DPP10: variants seen among roughly 807,000 people sequenced by gnomAD.
The protein encoded by DPP10 is inactive dipeptidyl peptidase 10.
In DPP10, 33 loss-of-function variants were observed where a neutral mutation model predicts 120.9. The observed-to-expected ratio is 0.27, with a 90% CI of 0.21 to 0.37. The LOEUF is 0.37. Ranked by LOEUF, DPP10 falls within the 10% of genes least tolerant of loss-of-function variation. The pLI is 1.00. For synonymous variants in DPP10, 337 were observed against 326.1 expected (o/e 1.03, Z -0.36); for missense variants, 816 against 942.8 (o/e 0.87, Z 1.76).
intron 1 of DPP10, among the ~76,000 whole-genome samples, chr2:114,834,546 A>T (rs1687479612): frequency 6.6e-6 from 1 of 151,018 alleles, no homozygotes; most frequent in South Asian, 2.1e-4. Context: ...ATGTATATAT[A>T]AGCCATATCT....
At chr2:114,730,936 C>T (rs146474793) in intron 1 of DPP10, among the ~76,000 whole-genome samples, 43 of 150,668 alleles carry the variant, frequency 2.9e-4, no homozygotes, top group African/African-American at 9.5e-4. Context: ...CTGTGAGCCA[C>T]GGAAGAGCCA....
At chr2:115,517,473 A>G (rs1334435107) in intron 4 of DPP10, among the ~76,000 whole-genome samples, 3 of 152,164 alleles carry the variant, frequency 2.0e-5, no homozygotes, top group Admixed American at 6.6e-5. Flanking sequence ...CAGGTAGTCC[A>G]TGATCATCTT....
intron 21 of DPP10, among the ~76,000 whole-genome samples, chr2:115,817,611 C>T (rs933504136): frequency 6.6e-6 from 1 of 152,070 alleles, no homozygotes; most frequent in African/African-American, 2.4e-5. Context: ...GTGAGCATTG[C>T]TCCTCCAACA....
At chr2:115,753,569 G>T (rs7587585) in intron 11 of DPP10, among the ~76,000 whole-genome samples, 1 of 151,914 alleles carries the variant, frequency 6.6e-6, no homozygotes, top group African/African-American at 2.4e-5. Context: ...TCCAAGCCAC[G>T]TTAGCTTCTT....
At chr2:115,105,303 T>C (rs1312042073) in intron 1 of DPP10, among the ~76,000 whole-genome samples, 1 of 152,164 alleles carries the variant, frequency 6.6e-6, no homozygotes, top group African/African-American at 2.4e-5. Flanking sequence ...AAGAGGCTTA[T>C]TTGGCTCATG....
At chr2:114,858,027 T>A (rs540963996) in intron 1 of DPP10, among the ~76,000 whole-genome samples, 2 of 152,184 alleles carry the variant, frequency 1.3e-5, no homozygotes, top group Non-Finnish European at 2.9e-5. Context: ...TTTTGCTCTG[T>A]CGCCCAGGCT....
intron 10 of DPP10, among the ~76,000 whole-genome samples, chr2:115,746,951 C>T (rs985060473): frequency 6.6e-5 from 10 of 152,106 alleles, no homozygotes; most frequent in African/African-American, 1.4e-4. Context: ...TATCGATAAT[C>T]AGGGTGATTG....
At chr2:115,005,187 G>A (rs1701729893) in intron 1 of DPP10, among the ~76,000 whole-genome samples, 2 of 151,960 alleles carry the variant, frequency 1.3e-5, no homozygotes, top group Admixed American at 1.3e-4. Flanking sequence ...CTAACAAACA[G>A]AAAGGACATC....
chr2:115,467,040 A>G (rs942503859), intron 3 of DPP10, among the ~76,000 whole-genome samples: 2 of 152,184 alleles, frequency 1.3e-5, no homozygotes, highest in African/African-American at 4.8e-5. Context: ...TGGAGGAAAG[A>G]ATGTAGCACT....
At chr2:115,068,515 G>A (rs986186354) in intron 1 of DPP10, among the ~76,000 whole-genome samples, 3 of 151,986 alleles carry the variant, frequency 2.0e-5, no homozygotes, top group African/African-American at 4.8e-5. Flanking sequence ...CTCCCATGTA[G>A]GTTGCCTCTT....
At chr2:115,837,725 G>A (rs981276093) in intron 24 of DPP10, among the ~76,000 whole-genome samples, 10 of 151,872 alleles carry the variant, frequency 6.6e-5, no homozygotes, top group Non-Finnish European at 1.3e-4. Context: ...CCATGGTTTA[G>A]TACTCCAAGC....
At chr2:115,216,456 G>A (rs2056825502) in intron 1 of DPP10, among the ~76,000 whole-genome samples, 1 of 152,138 alleles carries the variant, frequency 6.6e-6, no homozygotes, top group Non-Finnish European at 1.5e-5. Context: ...ACGTAAGTGT[G>A]TATGTATATA....
chr2:114,744,745 G>A (rs979173385), intron 1 of DPP10, among the ~76,000 whole-genome samples: 7 of 152,108 alleles, frequency 4.6e-5, no homozygotes, highest in African/African-American at 7.2e-5. Flanking sequence ...CTGTAACAGT[G>A]ACCATATGGC....
At chr2:114,830,603 A>G (rs1687015137) in intron 1 of DPP10, among the ~76,000 whole-genome samples, 1 of 152,232 alleles carries the variant, frequency 6.6e-6, no homozygotes, top group Non-Finnish European at 1.5e-5. Flanking sequence ...CAGTAGGTTC[A>G]TAAGAACTGT....
intron 1 of DPP10, among the ~76,000 whole-genome samples, chr2:114,977,205 TTA>T (rs1699808865): frequency 6.6e-6 from 1 of 152,206 alleles, no homozygotes; most frequent in Non-Finnish European, 1.5e-5. Flanking sequence ...CTCTGTTGTT[TTA>T]TATTTTGTGT....
intron 5 of DPP10, among the ~76,000 whole-genome samples, chr2:115,552,346 G>A (rs1429464967): frequency 6.6e-6 from 1 of 152,112 alleles, no homozygotes; most frequent in Non-Finnish European, 1.5e-5. Context: ...GACAAAGTCT[G>A]TCACACAAGC....
chr2:115,745,109 C>G (rs143180497), intron 9 of DPP10, among the ~76,000 whole-genome samples: 2 of 150,502 alleles, frequency 1.3e-5, no homozygotes, highest in East Asian at 3.9e-4. Flanking sequence ...CTGCCCCTTA[C>G]TCACAGTGTA....
rs75254826 is a variant in DPP10, at chr2:115,845,624, C to A, written c.*3279C>A. The A allele has an allele frequency of 6.6e-6, 1 of 152,114 alleles. No homozygotes were observed. The highest frequency in any genetic ancestry group is 2.1e-4 in the South Asian group (1 of 4,828). The allele number at this position is 152,114 out of a possible 1,614,324, so 9.4% of individuals were successfully genotyped here. ...CCCTATGATCACTTTCCAAAATAAA[C>A]GGCAGGTGTGCTAGCTGTTGTCTTA... On this transcript the variant is annotated 3_prime_UTR_variant, in exon 26 of 26. Coordinates refer to ENST00000410059, the MANE Select transcript of DPP10 (RefSeq NM_020868.6).
chr2:114,790,126 G>A (rs1427383860), intron 1 of DPP10, among the ~76,000 whole-genome samples: 1 of 152,150 alleles, frequency 6.6e-6, no homozygotes, highest in African/African-American at 2.4e-5. Flanking sequence ...CTTAATTACT[G>A]CAAGAAAAGG....
Sources: allele counts gnomAD v4.1 joint callset (sites outside exome capture counted in the v4.1 genomes callset), GRCh38; gene constraint gnomAD v4.1.1; transcripts MANE v1.5; gene names NCBI Gene and HGNC (gene_info 2026-07-23, HGNC 2026-07-21).